Variants in PPIE observed in about 807,000 individuals in gnomAD.
PPIE encodes the protein peptidyl-prolyl cis-trans isomerase E.
In PPIE, 20 loss-of-function variants were observed where a neutral mutation model predicts 38.4. The ratio of observed to expected loss-of-function variants is 0.52; its 90% CI spans 0.37 to 0.76. The LOEUF is 0.76. Among genes scored for constraint, PPIE ranks in the 30% least tolerant of loss-of-function variants. PPIE has a pLI of 0.00. For synonymous variants in PPIE, 142 were observed against 135.7 expected (o/e 1.05, Z -0.32); for missense variants, 322 against 385.8 (o/e 0.83, Z 1.39).
At position 39,755,128 on chromosome 1, in the gene PPIE, C is replaced by T. The variant is rs868632745; in HGVS notation, c.*1773C>T. 6.1e-6 allele frequency: 6 copies of T among 985,444 alleles called. No homozygotes were observed. Among genetic ancestry groups the T allele is most frequent in the Middle Eastern group, 1.0e-3 (2 of 1,914 alleles). The allele number at this position is 985,444 out of a possible 1,614,324, so 61.0% of individuals were successfully genotyped here. A position where few individuals can be genotyped will look rare whatever the true frequency, so the allele number is the denominator to read the frequency against. ...CACTCCCCCTCCAGATGCTGGTCAG[C>T]CAGGCGGTTATAAAGAATCTCATCT... is the stretch of plus-strand genomic sequence containing the variant. On this transcript the variant is annotated 3_prime_UTR_variant, in exon 10 of 10. Coordinates refer to ENST00000324379, the MANE Select transcript of PPIE (RefSeq NM_006112.4).
downstream of PPIE, chr1:39,760,150 T>C (rs1648736843): frequency 7.4e-6 from 4 of 539,890 alleles, no homozygotes; most frequent in South Asian, 9.1e-5. Context: ...AGCCAGGACA[T>C]GCCTCCGGGA....
At chr1:39,741,872 G>A (rs1319087627) in intron 3 of PPIE, 23 bp from the exon 4 acceptor site, 2 of 1,614,202 alleles carry the variant, frequency 1.2e-6, no homozygotes, top group Non-Finnish European at 1.7e-6. Flanking sequence ...GCCTAAACTT[G>A]TACCTTTGTC....
At chr1:39,757,556 C>G (rs956922475), downstream of PPIE, 1 of 152,296 alleles carries the variant, frequency 6.6e-6, no homozygotes, top group Non-Finnish European at 1.5e-5. Context: ...AGGACCAAGA[C>G]TGCTGGGCAT....
Position 39,753,308 on chromosome 1 carries a change from A to T in PPIE, c.859A>T (p.Lys287Ter). ...QIEAQGSKDGKPKQKVIIADC... is the reference protein window; with the variant it reads ...QIEAQGSKDG The stretch of plus-strand genomic sequence containing the variant: ...AAAGGCCCAGGGCAGCAAGGACGGG[A>T]AGCCAAAGCAGAAGGTGATCATCGC... The change falls in exon 10 of 10, where the codon AAG becomes TAG. Residue 287 changes from lysine to a stop codon, truncating the protein, a stop_gained. Transcript: ENST00000324379. LOFTEE classifies it high-confidence loss of function. The T allele has an allele frequency of 6.2e-7, 1 of 1,614,188 alleles. No homozygotes were observed. Among genetic ancestry groups the T allele is most frequent in the Non-Finnish European group, 8.5e-7 (1 of 1,180,004 alleles).
intron 5 of PPIE, 75 bp downstream of exon 5, chr1:39,743,372 A>G: frequency 7.6e-7 from 1 of 1,319,270 alleles, no homozygotes; most frequent in Non-Finnish European, 1.1e-6. Flanking sequence ...GTCTCTATTT[A>G]CTTGGAAGTA....
downstream of PPIE, chr1:39,757,218 A>G (rs532648753): frequency 2.0e-5 from 3 of 152,276 alleles, no homozygotes; most frequent in Non-Finnish European, 2.9e-5. Context: ...CAGACATAGA[A>G]GTGGCTCAAA....
In PPIE at chr1:39,756,600, G is replaced by T. The variant is rs1160422169; in HGVS notation, c.*3245G>T. 11 of 985,312 alleles carry T rather than the reference G, an allele frequency of 1.1e-5. No homozygotes were observed. Among genetic ancestry groups the T allele is most frequent in the Non-Finnish European group, 1.3e-5 (11 of 829,936 alleles). 61.0% of individuals were successfully genotyped at this position (985,312 alleles called of 1,614,324 possible). On this transcript the variant is annotated 3_prime_UTR_variant, in exon 10 of 10. Coordinates refer to ENST00000324379, the MANE Select transcript of PPIE (RefSeq NM_006112.4). ...AACCAACTTTTTATTGTTGAAAATG[G>T]AGTCTTGTAGAGTTCAGTGATGGGA...
downstream of PPIE, chr1:39,759,338 C>G (rs1354220543): frequency 1.3e-5 from 2 of 152,346 alleles, no homozygotes; most frequent in African/African-American, 4.8e-5. Flanking sequence ...GGCCCCTGGC[C>G]TCGCCCCAGA....
chr1:39,747,150 G>A (rs1647242155), intron 7 of PPIE: 1 of 152,104 alleles, frequency 6.6e-6, no homozygotes, highest in Non-Finnish European at 1.5e-5. Context: ...TCCTTTTTGT[G>A]GCTGAATAAT....
chr1:39,759,943 C>A (rs1273520525), downstream of PPIE: 1 of 174,924 alleles, frequency 5.7e-6, no homozygotes, highest in Non-Finnish European at 1.2e-5. Flanking sequence ...CCACCTTGCA[C>A]CTCGGGCAGG....
In PPIE at chr1:39,743,176, C is replaced by T. The variant is rs1227181843; in HGVS notation, c.202-40C>T. ...GGAAAGCTGGCTGGCCCTCTTTTAA[C>T]CTAAGAGAGTTTAAGCAGCTGGATT... On this transcript the variant is annotated intron_variant, in intron 4 of 9. Transcript: ENST00000324379. 3 of 1,568,572 alleles carry T rather than the reference C, an allele frequency of 1.9e-6. No individual in the cohort carries two copies. In the South Asian group the frequency reaches 3.3e-5, roughly 17 times the overall value.
At position 39,753,895 on chromosome 1, in the gene PPIE, A is replaced by T; in HGVS notation, c.*540A>T. 1 of 985,418 alleles carries T rather than the reference A, an allele frequency of 1.0e-6. No homozygotes were observed. Among genetic ancestry groups the T allele is most frequent in the Non-Finnish European group, 1.2e-6 (1 of 829,924 alleles). The allele number at this position is 985,418 out of a possible 1,614,324, so 61.0% of individuals were successfully genotyped here. A position where few individuals can be genotyped will look rare whatever the true frequency, so the allele number is the denominator to read the frequency against. ...CATCGATGTCAGGGCAACGGAAATT[A>T]AAGACTGGAAAGCTCCGGTCTTCTG... On this transcript the variant is annotated 3_prime_UTR_variant, in exon 10 of 10. Transcript: ENST00000324379.
chr1:39,761,861 C>A (rs115010671), intron 9 of PPIE, among the ~76,000 whole-genome samples: 2 of 152,218 alleles, frequency 1.3e-5, no homozygotes, highest in African/African-American at 4.8e-5. Context: ...ACCAACAAAC[C>A]GACAGCCTCC....
In PPIE at chr1:39,756,040, A is replaced by C; in HGVS notation, c.*2685A>C. On this transcript the variant is annotated 3_prime_UTR_variant, in exon 10 of 10. Transcript: ENST00000324379. ...ATGATTGGCCAGGACCTGTGTGGAG[A>C]GACACAGGAGACAAGACCCTGCTCT... The C allele has an allele frequency of 1.0e-6, 1 of 985,314 alleles. No individual in the cohort carries two copies. The highest frequency in any genetic ancestry group is 1.2e-6 in the Non-Finnish European group (1 of 829,904). 61.0% of individuals were successfully genotyped at this position (985,314 alleles called of 1,614,324 possible). A position where few individuals can be genotyped will look rare whatever the true frequency, so the allele number is the denominator to read the frequency against.
intron 2 of PPIE, among the ~76,000 whole-genome samples, chr1:39,740,897 G>C (rs2124290267): frequency 6.6e-6 from 1 of 152,282 alleles, no homozygotes; most frequent in African/African-American, 2.4e-5. Flanking sequence ...TCTAGTCTCT[G>C]AGTTCTATGA....
chr1:39,741,253 A>G, intron 2 of PPIE, 113 bp from the exon 3 acceptor site: 2 of 845,600 alleles, frequency 2.4e-6, no homozygotes, highest in Non-Finnish European at 4.0e-6. Context: ...TAGTGATTGG[A>G]TAGAACTTCT....
In PPIE at chr1:39,740,170, C is replaced by T. The variant is rs1481152215; in HGVS notation, c.37C>T (p.Leu13=). The T allele has an allele frequency of 6.2e-7, 1 of 1,613,896 alleles. No individual in the cohort carries two copies. Among genetic ancestry groups the T allele is most frequent in the Admixed American group, 1.7e-5 (1 of 60,004 alleles). The change falls in exon 2 of 10, where the codon CTG becomes TTG. Residue 13 remains leucine, a synonymous_variant. Transcript: ENST00000324379. ...TTKRVLYVGG[L]AEEVDDKVLH... is the part of the protein sequence containing the mutation. ...GGCCCTTGGCTTATTTGCAGGTGGA[C>T]TGGCAGAGGAAGTGGACGACAAAGT...
Position 39,753,431 on chromosome 1 carries a change from C to G in PPIE, c.*76C>G. ...AAGGAACTGCCAGCCTCAGAGGAGG[C>G]AGCACCGAGGGTGCCTGTTTGAAGC... On this transcript the variant is annotated 3_prime_UTR_variant, in exon 10 of 10. Coordinates refer to ENST00000324379, the MANE Select transcript of PPIE (RefSeq NM_006112.4). The G allele has an allele frequency of 6.3e-7, 1 of 1,580,084 alleles. No individual in the cohort carries two copies.
Position 39,743,830 on chromosome 1 carries a change from C to A in PPIE, c.290C>A (p.Ser97Ter). ...IKEGSSRPVWSDDDWLKKFSG... is the reference protein window; with the variant it reads ...IKEGSSRPVW ...TTTGATTCTTTCCTTTCAGTTTGGT[C>A]AGATGATGACTGGTTGAAGAAGTTT... is the stretch of plus-strand genomic sequence containing the variant. Residue 97 changes from serine to a stop codon, truncating the protein, a stop_gained, in exon 6 of 10, where the codon TCA (serine) becomes TAA (stop). Transcript: ENST00000324379. LOFTEE classifies it high-confidence loss of function. 2 of 1,612,372 alleles carry A rather than the reference C, an allele frequency of 1.2e-6. No homozygotes were observed. The highest frequency in any genetic ancestry group is 2.2e-5 in the South Asian group (2 of 90,988).
Sources: allele counts gnomAD v4.1 joint callset (sites outside exome capture counted in the v4.1 genomes callset), GRCh38; gene constraint gnomAD v4.1.1; transcripts MANE v1.5; gene names NCBI Gene and HGNC (gene_info 2026-07-23, HGNC 2026-07-21).